Variants in RERE observed in about 807,000 individuals in gnomAD.
RERE encodes arginine-glutamic acid dipeptide repeats protein.
A neutral mutation model predicts 146.1 loss-of-function variants in RERE; 40 were observed. That is an observed-to-expected ratio of 0.27 (90% CI 0.21 to 0.36). The LOEUF (loss-of-function observed/expected upper bound fraction) is 0.36, where lower values mean the gene tolerates loss of function less well. RERE is among the 10% of genes least tolerant of loss of function. The pLI is 1.00. For missense variants in RERE, 1,933 were observed against 2,138.7 expected (o/e 0.90, Z 1.90); for synonymous variants, 1,003 against 866.0 (o/e 1.16, Z -2.78).
chr1:8,504,953 T>C (rs1217563981), intron 8 of RERE, among the ~76,000 whole-genome samples: 2 of 152,230 alleles, frequency 1.3e-5, no homozygotes, highest in Non-Finnish European at 2.9e-5. Flanking sequence ...GAAGCATTTT[T>C]CTGGAAGGCA....
At chr1:8,517,373 T>A (rs1386352701) in intron 7 of RERE, among the ~76,000 whole-genome samples, 2 of 152,132 alleles carry the variant, frequency 1.3e-5, no homozygotes, top group African/African-American at 4.8e-5. Context: ...AGAAATTAAC[T>A]CCAAGTGACA....
At chr1:8,409,024 G>A (rs181254561) in intron 12 of RERE, among the ~76,000 whole-genome samples, 2 of 152,314 alleles carry the variant, frequency 1.3e-5, no homozygotes, top group Non-Finnish European at 2.9e-5. Flanking sequence ...TGCCATCCTT[G>A]CCCAAGAACT....
At chr1:8,689,244 T>C (rs751551402) in intron 1 of RERE, among the ~76,000 whole-genome samples, 3 of 152,210 alleles carry the variant, frequency 2.0e-5, no homozygotes, top group Non-Finnish European at 4.4e-5. Flanking sequence ...ATGGAGTTTT[T>C]GGCCTTTGGT....
chr1:8,485,954 C>T (rs1323742230), intron 10 of RERE, among the ~76,000 whole-genome samples: 14 of 152,048 alleles, frequency 9.2e-5, no homozygotes, highest in Admixed American at 9.2e-4. Context: ...TGTGCGCCAC[C>T]ACACCCGGCT....
At chr1:8,771,226 G>A (rs1024232016) in intron 1 of RERE, among the ~76,000 whole-genome samples, 4 of 151,928 alleles carry the variant, frequency 2.6e-5, no homozygotes, top group African/African-American at 9.7e-5. Context: ...TTGGAGATTA[G>A]AACTATTAGA....
intron 4 of RERE, among the ~76,000 whole-genome samples, chr1:8,596,102 T>C (rs145504410): frequency 1.6e-3 from 239 of 152,346 alleles, no homozygotes; most frequent in Admixed American, 2.2e-3. Context: ...TGCTCATTTG[T>C]TTACAAATTG....
intron 11 of RERE, among the ~76,000 whole-genome samples, chr1:8,449,704 T>G (rs17032601): frequency 6.6e-6 from 1 of 152,222 alleles, no homozygotes; most frequent in Non-Finnish European, 1.5e-5. Flanking sequence ...TGAAAGTTAT[T>G]GAGTCCTAAA....
chr1:8,501,280 C>G (rs1262915453), intron 8 of RERE, among the ~76,000 whole-genome samples: 2 of 128,816 alleles, frequency 1.6e-5, no homozygotes, highest in Admixed American at 1.5e-4. Context: ...GTCGCCCCTA[C>G]CGGGAAGTGA....
intron 1 of RERE, among the ~76,000 whole-genome samples, chr1:8,805,079 C>T (rs1191482565): frequency 2.4e-5 from 3 of 124,290 alleles, no homozygotes; most frequent in Non-Finnish European, 4.7e-5. Flanking sequence ...GGCGTGATTT[C>T]GGCTCACCGC....
rs1158134728 is a variant in RERE at position 8,423,448 on chromosome 1, T to C, written c.1204-641A>G. The C allele has an allele frequency of 1.3e-6, 1 of 755,954 alleles. No homozygotes were observed. The highest frequency in any genetic ancestry group is 1.9e-5 in the African/African-American group (1 of 52,716). 46.8% of individuals were successfully genotyped at this position (755,954 alleles called of 1,614,324 possible). A position where few individuals can be genotyped will look rare whatever the true frequency, so the allele number is the denominator to read the frequency against. ...CGACGCCACTCGCCGCCCCCATCCA[T>C]TTTCGCAGCAGACTCGTCCCTAACC... On this transcript the variant is annotated intron_variant, in intron 11 of 22. Coordinates refer to ENST00000400908, the MANE Select transcript of RERE (RefSeq NM_001042681.2). This position sits in a 1 kb window ranked among gnomAD's most constrained non-coding sequence, Gnocchi z 5.4.
At chr1:8,375,952 CTTTA>C (rs1044047490) in intron 12 of RERE, among the ~76,000 whole-genome samples, 10 of 152,170 alleles carry the variant, frequency 6.6e-5, no homozygotes, top group African/African-American at 2.2e-4. Context: ...TTATCTTCAT[CTTTA>C]TTTATATTTT....
At chr1:8,776,959 G>A (rs1641076241) in intron 1 of RERE, among the ~76,000 whole-genome samples, 1 of 151,890 alleles carries the variant, frequency 6.6e-6, no homozygotes, top group Non-Finnish European at 1.5e-5. Flanking sequence ...GAACTCCTGG[G>A]CTCAAGCTAT....
At chr1:8,799,821 C>CTT (rs59100075) in intron 1 of RERE, among the ~76,000 whole-genome samples, 1 of 149,912 alleles carries the variant, frequency 6.7e-6, no homozygotes, top group Admixed American at 6.7e-5. Context: ...GGTTTTTTTG[C>CTT]TTTTTTTTAA....
At chr1:8,671,839 TTTA>T (rs1384165942) in intron 1 of RERE, among the ~76,000 whole-genome samples, 4 of 152,214 alleles carry the variant, frequency 2.6e-5, no homozygotes, top group Non-Finnish European at 5.9e-5. Flanking sequence ...TAGAGCAACA[TTTA>T]TATGTCTCAG....
chr1:8,769,055 T>C (rs1443075528), intron 1 of RERE, among the ~76,000 whole-genome samples: 1 of 152,218 alleles, frequency 6.6e-6, no homozygotes, highest in Non-Finnish European at 1.5e-5. Context: ...CATGTATCCA[T>C]GCTTTGGGGC....
At chr1:8,498,275 T>C (rs1645072996) in intron 8 of RERE, among the ~76,000 whole-genome samples, 1 of 152,134 alleles carries the variant, frequency 6.6e-6, no homozygotes, top group Admixed American at 6.5e-5. Context: ...AGAGAACTGC[T>C]TAAACCCGGG....
At chr1:8,369,561 G>A (rs1570067448) in intron 12 of RERE, among the ~76,000 whole-genome samples, 1 of 145,854 alleles carries the variant, frequency 6.9e-6, no homozygotes. Flanking sequence ...TGACCAGGCA[G>A]GAAGGACTGT....
chr1:8,677,397 GC>G (rs1638864288), intron 1 of RERE, among the ~76,000 whole-genome samples: 1 of 130,698 alleles, frequency 7.7e-6, no homozygotes, highest in Admixed American at 9.1e-5. Flanking sequence ...CTGCACTCCA[GC>G]CTGGGCGACA....
chr1:8,486,015 T>C (rs1644894058), intron 10 of RERE, among the ~76,000 whole-genome samples: 2 of 152,000 alleles, frequency 1.3e-5, no homozygotes, highest in African/African-American at 2.4e-5. Context: ...GGCCAGGATG[T>C]TCTCGATCTC....
Sources: allele counts gnomAD v4.1 joint callset (sites outside exome capture counted in the v4.1 genomes callset), GRCh38; gene constraint gnomAD v4.1.1; non-coding constraint Gnocchi (gnomAD v3.1); transcripts MANE v1.5; gene names NCBI Gene and HGNC (gene_info 2026-07-23, HGNC 2026-07-21).